The following GPM6A variants were observed in gnomAD, a reference collection of about 807,000 sequenced individuals.
GPM6A encodes neuronal membrane glycoprotein M6-a.
In GPM6A, 7 loss-of-function variants were observed where a neutral mutation model predicts 32.1. The ratio of observed to expected loss-of-function variants is 0.22; its 90% CI spans 0.12 to 0.41. The LOEUF is 0.41. Among genes scored for constraint, GPM6A ranks in the 10% least tolerant of loss-of-function variants. GPM6A has a pLI of 1.00. For synonymous variants in GPM6A, 130 were observed against 123.4 expected (o/e 1.05, Z -0.35); for missense variants, 235 against 347.2 (o/e 0.68, Z 2.57).
chr4:175,787,487 C>A, intron 1 of GPM6A: 2 of 1,487,182 alleles, frequency 1.3e-6, no homozygotes, highest in South Asian at 2.6e-5. Context: ...TTTTTTAAGT[C>A]ACTATTTTTG....
chr4:175,768,871 G>A (rs2111227362), intron 1 of GPM6A, among the ~76,000 whole-genome samples: 1 of 152,224 alleles, frequency 6.6e-6, no homozygotes, highest in South Asian at 2.1e-4. Context: ...CGAGGTGGGT[G>A]GATCACTTGA....
chr4:175,934,319 A>C (rs935810394), intron 1 of GPM6A, among the ~76,000 whole-genome samples: 1 of 152,234 alleles, frequency 6.6e-6, no homozygotes, highest in East Asian at 1.9e-4. Flanking sequence ...ATTAACGCTT[A>C]AGAGAAAAGG....
intron 3 of GPM6A, among the ~76,000 whole-genome samples, chr4:175,653,427 G>A (rs1345908354): frequency 2.0e-5 from 3 of 152,004 alleles, no homozygotes; most frequent in Non-Finnish European, 4.4e-5. Context: ...ACTATGAAAT[G>A]CTAATAGTTG....
chr4:175,759,608 G>T lies in GPM6A; in HGVS notation c.37+52583C>A, dbSNP rs140284952. Among the ~76,000 whole-genome samples, 313 of 152,214 alleles carry T rather than the reference G, an allele frequency of 2.1e-3. 2 individuals are homozygous for T. Among genetic ancestry groups the T allele is most frequent in the African/African-American group, 6.9e-3 (285 of 41,550 alleles). ...TAAACTCATATCATGTATTTGAATT[G>T]AAAATGTAGAGGAAGATACAAATCT... On this transcript the variant is annotated intron_variant, in intron 1 of 6. Coordinates refer to ENST00000393658, the MANE Select transcript of GPM6A (RefSeq NM_201591.3).
At chr4:175,812,629 T>C (rs1734975676), upstream of GPM6A, 1 of 992,268 alleles carries the variant, frequency 1.0e-6, no homozygotes, top group Non-Finnish European at 1.2e-6. Flanking sequence ...GGAAAAGAAA[T>C]TGAGGTTTGT....
At chr4:175,843,762 G>C (rs954771137) in intron 1 of GPM6A, among the ~76,000 whole-genome samples, 1 of 152,050 alleles carries the variant, frequency 6.6e-6, no homozygotes, top group Non-Finnish European at 1.5e-5. Context: ...TGAGATAATC[G>C]CTTAGAAGCA....
chr4:175,651,265 C>A (rs1328253509), intron 4 of GPM6A, among the ~76,000 whole-genome samples: 1 of 152,010 alleles, frequency 6.6e-6, no homozygotes, highest in Non-Finnish European at 1.5e-5. Flanking sequence ...AAAATAGGGT[C>A]TATATGTGGT....
intron 1 of GPM6A, among the ~76,000 whole-genome samples, chr4:175,989,420 A>C (rs1354218520): frequency 2.6e-5 from 4 of 152,150 alleles, no homozygotes; most frequent in Non-Finnish European, 4.4e-5. Flanking sequence ...AGAATTATGG[A>C]GACCTACAGA....
chr4:175,838,644 ATTTTTTTTT>A (rs569099649), intron 1 of GPM6A, among the ~76,000 whole-genome samples: 25 of 79,806 alleles, frequency 3.1e-4, no homozygotes, highest in Middle Eastern at 8.5e-3. Flanking sequence ...CTAGCAGTGA[ATTTTTTTTT>A]TTTTTTTTTT....
intron 1 of GPM6A, among the ~76,000 whole-genome samples, chr4:175,820,280 A>G (rs1735232725): frequency 6.6e-6 from 1 of 152,156 alleles, no homozygotes; most frequent in South Asian, 2.1e-4. Flanking sequence ...AATAAAGTAT[A>G]AAGTCGATTA....
intron 1 of GPM6A, among the ~76,000 whole-genome samples, chr4:175,986,648 T>C (rs1180594326): frequency 6.6e-6 from 1 of 152,228 alleles, no homozygotes; most frequent in Non-Finnish European, 1.5e-5. Context: ...CTGTTGTTTA[T>C]AATCTCCCAT....
intron 2 of GPM6A, among the ~76,000 whole-genome samples, chr4:175,699,510 G>A (rs2333259): frequency 0.78 from 117,922 of 152,082 alleles, 47,392 homozygotes; most frequent in Non-Finnish European, 0.88. Context: ...TCAATTTGCT[G>A]TTAATTCTTC....
At chr4:175,668,957 T>C (rs1009766836) in intron 3 of GPM6A, among the ~76,000 whole-genome samples, 4 of 152,146 alleles carry the variant, frequency 2.6e-5, no homozygotes, top group African/African-American at 9.7e-5. Context: ...CTGTGCCAGA[T>C]GCTTGAATTC....
chr4:175,941,030 C>A (rs1360959299), intron 1 of GPM6A, among the ~76,000 whole-genome samples: 5 of 152,192 alleles, frequency 3.3e-5, no homozygotes, highest in Non-Finnish European at 7.3e-5. Context: ...TTACTAGTGT[C>A]CCTGGCGTAC....
rs377356575 is a variant in GPM6A at position 175,889,201 on chromosome 4, GAAT to G, written c.-22-76955_-22-76953del. On this transcript the variant is annotated intron_variant, in intron 1 of 7. Coordinates refer to the GPM6A transcript ENST00000280187. ...CTTTATAACTTTTAGAACAAAAAGA[GAAT>G]AATTTTGTCATTAGAATAGAATAGT... is the stretch of plus-strand genomic sequence containing the variant. Among the ~76,000 whole-genome samples the G allele has an allele frequency of 2.7e-3, 417 of 152,202 alleles. 2 individuals carry two copies. The highest frequency in any genetic ancestry group is 9.5e-3 in the African/African-American group (395 of 41,542).
intron 1 of GPM6A, among the ~76,000 whole-genome samples, chr4:175,825,891 A>T (rs899949097): frequency 6.6e-6 from 1 of 152,128 alleles, no homozygotes; most frequent in Non-Finnish European, 1.5e-5. Flanking sequence ...TTAAAAAAAA[A>T]AGTCTTGGCT....
At chr4:175,905,693 G>A (rs188452641) in intron 1 of GPM6A, among the ~76,000 whole-genome samples, 52 of 152,014 alleles carry the variant, frequency 3.4e-4, no homozygotes, top group African/African-American at 1.2e-3. Flanking sequence ...CTATATTTTG[G>A]GGTGGCATAC....
In GPM6A at chr4:175,805,342, C is replaced by A. The variant is rs570716750; in HGVS notation, c.37+6849G>T. On this transcript the variant is annotated intron_variant, in intron 1 of 6. Coordinates refer to ENST00000393658, the MANE Select transcript of GPM6A (RefSeq NM_201591.3). ...CCTTTCTAATGGGGAATATTAATTGCAACCATAAAAATGTAGAAAATAGTT... is the reference window on the plus strand; with the variant it reads ...CCTTTCTAATGGGGAATATTAATTGAAACCATAAAAATGTAGAAAATAGTT... 1.7e-4 allele frequency among the ~76,000 whole-genome samples: 26 copies of A among 152,182 alleles called. No individual in the cohort carries two copies. In the South Asian group the frequency reaches 5.4e-3, roughly 32 times the overall value.
intron 1 of GPM6A, chr4:175,781,373 G>A (rs1383722532): frequency 6.6e-6 from 1 of 152,114 alleles, no homozygotes; most frequent in Non-Finnish European, 1.5e-5. Context: ...CCAAAAAAGA[G>A]GCAGCCAGAG....
Sources: gnomAD v4.1 joint callset for allele counts (sites outside exome capture counted in the v4.1 genomes callset) on GRCh38, gnomAD v4.1.1 for gene constraint, MANE v1.5 for transcripts, NCBI Gene and HGNC (gene_info 2026-07-23, HGNC 2026-07-21) for gene names.